LIMA1: variants seen among roughly 807,000 people sequenced by gnomAD.
The protein encoded by LIMA1 is LIM domain and actin binding 1.
LIMA1 carries 52 observed loss-of-function variants against 62.6 expected under a neutral mutation model. The ratio of observed to expected loss-of-function variants is 0.83; its 90% confidence interval spans 0.67 to 1.05. LIMA1 has a LOEUF of 1.05. Ranked by LOEUF, LIMA1 falls within the 50% of genes least tolerant of loss-of-function variation. The pLI is 0.00. For synonymous variants in LIMA1, 302 were observed against 317.8 expected (o/e 0.95, Z 0.53); for missense variants, 780 against 902.2 (o/e 0.86, Z 1.74).
chr12:50,211,675 A>C (rs1424421386), intron 4 of LIMA1, among the ~76,000 whole-genome samples: 1 of 152,060 alleles, frequency 6.6e-6, no homozygotes, highest in Non-Finnish European at 1.5e-5. Flanking sequence ...ACAAACAAAA[A>C]TGATCTCAAA....
At chr12:50,219,292 C>G (rs143355129) in intron 4 of LIMA1, among the ~76,000 whole-genome samples, 2 of 151,882 alleles carry the variant, frequency 1.3e-5, no homozygotes, top group Non-Finnish European at 2.9e-5. Context: ...CAAGACCAGC[C>G]TGACCAATAT....
At chr12:50,224,713 A>G (rs1395721452) in intron 3 of LIMA1, among the ~76,000 whole-genome samples, 1 of 152,184 alleles carries the variant, frequency 6.6e-6, no homozygotes, top group Non-Finnish European at 1.5e-5. Flanking sequence ...AAAGCAAATT[A>G]TAAGACAGCA....
At chr12:50,235,903 G>A (rs1189501338) in intron 2 of LIMA1, among the ~76,000 whole-genome samples, 1 of 152,184 alleles carries the variant, frequency 6.6e-6, no homozygotes, top group African/African-American at 2.4e-5. Context: ...GGTGTCTCAT[G>A]CCTGTGATCC....
chr12:50,269,445 G>A (rs933961750), intron 1 of LIMA1, among the ~76,000 whole-genome samples: 7 of 152,154 alleles, frequency 4.6e-5, no homozygotes, highest in South Asian at 2.1e-4. Context: ...CAGTTCTAGC[G>A]TACATGATAT....
intron 9 of LIMA1, 191 bp from the exon 10 acceptor site, chr12:50,182,228 A>C: frequency 1.8e-6 from 1 of 551,542 alleles, no homozygotes; most frequent in Non-Finnish European, 3.2e-6. Context: ...TTCCCTTCCC[A>C]AACTGTGTGG....
At chr12:50,248,890 C>G (rs928676020) in intron 1 of LIMA1, 116 bp from the exon 2 acceptor site, 11 of 646,644 alleles carry the variant, frequency 1.7e-5, no homozygotes, top group Non-Finnish European at 3.1e-5. Context: ...CCACTGTTCT[C>G]CCCCAAACTG....
intron 7 of LIMA1, 71 bp from the exon 8 acceptor site, chr12:50,195,958 G>T: frequency 6.9e-7 from 1 of 1,448,626 alleles, no homozygotes; most frequent in South Asian, 1.4e-5. Context: ...AGAGCAAACT[G>T]CTGTTAATGC....
intron 7 of LIMA1, among the ~76,000 whole-genome samples, chr12:50,196,556 G>A (rs150064921): frequency 6.6e-6 from 1 of 152,194 alleles, no homozygotes; most frequent in East Asian, 1.9e-4. Context: ...CTCTCTATTA[G>A]AGCTCTCCCT....
intron 4 of LIMA1, among the ~76,000 whole-genome samples, chr12:50,210,345 C>G (rs1172404591): frequency 2.1e-5 from 3 of 145,710 alleles, no homozygotes; most frequent in African/African-American, 7.8e-5. Flanking sequence ...ATCGCTTGAA[C>G]CAGGGAGGTG....
chr12:50,240,084 G>A lies in LIMA1; in HGVS notation c.120-8374C>T, dbSNP rs377698092. 1.1e-3 allele frequency among the ~76,000 whole-genome samples: 164 copies of A among 146,828 alleles called. 1 individual carries two copies. Among genetic ancestry groups the A allele is most frequent in the South Asian group, 6.9e-3 (30 of 4,378 alleles). ...AAAATAAAAAATTTTTAAAAGGAGC[G>A]CCTCACTGAGAAAATGACCTGTAGG... On this transcript the variant is annotated intron_variant, in intron 2 of 10. Transcript: ENST00000341247.
intron 4 of LIMA1, among the ~76,000 whole-genome samples, chr12:50,221,337 C>A (rs1941436088): frequency 6.6e-6 from 1 of 152,118 alleles, no homozygotes; most frequent in South Asian, 2.1e-4. Flanking sequence ...TTATAAATCA[C>A]CAGCATATGT....
chr12:50,224,972 G>A (rs924140151), intron 3 of LIMA1, among the ~76,000 whole-genome samples: 5 of 147,330 alleles, frequency 3.4e-5, no homozygotes, highest in East Asian at 2.0e-4. Context: ...GCGTGATCTC[G>A]GCTCACTGCA....
intron 1 of LIMA1, among the ~76,000 whole-genome samples, chr12:50,279,699 C>CA (rs1942315375): frequency 6.6e-6 from 1 of 152,142 alleles, no homozygotes; most frequent in Non-Finnish European, 1.5e-5. Context: ...TTCACTTGGT[C>CA]AGTTATTGCC....
chr12:50,211,381 C>T (rs1291120398), intron 4 of LIMA1, among the ~76,000 whole-genome samples: 2 of 144,678 alleles, frequency 1.4e-5, no homozygotes, highest in Admixed American at 7.0e-5. Context: ...TGGTAGCTCA[C>T]GCCTGTAATC....
At chr12:50,242,179 A>C (rs1941787428) in intron 2 of LIMA1, among the ~76,000 whole-genome samples, 1 of 151,744 alleles carries the variant, frequency 6.6e-6, no homozygotes, top group East Asian at 1.9e-4. Flanking sequence ...GGGAATGCTG[A>C]GCCAAAAAGG....
chr12:50,213,202 C>T (rs1941287967), intron 4 of LIMA1, among the ~76,000 whole-genome samples: 1 of 152,244 alleles, frequency 6.6e-6, no homozygotes, highest in Admixed American at 6.5e-5. Context: ...CTTCTGTTCA[C>T]TGTCCTGATG....
At chr12:50,220,836 G>A (rs541235044) in intron 4 of LIMA1, among the ~76,000 whole-genome samples, 1 of 152,364 alleles carries the variant, frequency 6.6e-6, no homozygotes, top group Non-Finnish European at 1.5e-5. Context: ...AAACTGCTTT[G>A]TGGTTACATC....
intron 1 of LIMA1, among the ~76,000 whole-genome samples, chr12:50,270,782 G>A (rs1400495299): frequency 1.3e-5 from 2 of 151,892 alleles, no homozygotes; most frequent in Non-Finnish European, 2.9e-5. Context: ...TATTTAGACA[G>A]GTAAAAAAGA....
intron 6 of LIMA1, 77 bp downstream of exon 6, chr12:50,204,474 AT>A: frequency 2.7e-6 from 4 of 1,481,172 alleles, no homozygotes; most frequent in Non-Finnish European, 3.6e-6. Context: ...GTCTGGTGAC[AT>A]TTCCTAATTC....
Sources: allele counts gnomAD v4.1 joint callset (sites outside exome capture counted in the v4.1 genomes callset), GRCh38; gene constraint gnomAD v4.1.1; transcripts MANE v1.5; gene names NCBI Gene and HGNC (gene_info 2026-07-23, HGNC 2026-07-21).